Variants in PHIP observed in about 807,000 individuals in gnomAD.
The protein encoded by PHIP is PH-interacting protein.
A neutral mutation model predicts 236.8 loss-of-function variants in PHIP; 54 were observed. That is an observed-to-expected ratio of 0.23 (90% CI 0.18 to 0.29). The LOEUF (loss-of-function observed/expected upper bound fraction) is 0.29, where lower values mean the gene tolerates loss of function less well. Ranked by LOEUF, PHIP falls within the 10% of genes least tolerant of loss-of-function variation. The pLI is 1.00. For synonymous variants in PHIP, 756 were observed against 718.9 expected, an observed-to-expected ratio of 1.05 and a Z score of -0.83; for missense variants, 1,370 against 2,190.8, an observed-to-expected ratio of 0.63 and a Z score of 7.48.
chr6:78,945,936 G>T, intron 38 of PHIP, 65 bp downstream of exon 38: 1 of 1,162,660 alleles, frequency 8.6e-7, no homozygotes, highest in South Asian at 1.4e-5. Context: ...TATTGCATTT[G>T]GCAAAGTAAA....
chr6:78,987,193 T>G (rs1183800247), intron 21 of PHIP, among the ~76,000 whole-genome samples: 1 of 152,074 alleles, frequency 6.6e-6, no homozygotes, highest in Non-Finnish European at 1.5e-5. Context: ...AAGTTTCTAA[T>G]AAACAGAATA....
intron 4 of PHIP, among the ~76,000 whole-genome samples, chr6:79,066,526 AT>A (rs549311688): frequency 2.3e-3 from 346 of 152,302 alleles, no homozygotes; most frequent in African/African-American, 8.0e-3. Context: ...ATATGTGTAT[AT>A]ATCAATGTGC....
At chr6:79,035,789 T>C (rs564085425) in intron 7 of PHIP, among the ~76,000 whole-genome samples, 1 of 152,214 alleles carries the variant, frequency 6.6e-6, no homozygotes, top group Admixed American at 6.5e-5. Context: ...AAAAATTGCG[T>C]ACAATTTAAA....
intron 7 of PHIP, among the ~76,000 whole-genome samples, chr6:79,037,156 C>G (rs1341471869): frequency 6.6e-6 from 1 of 152,014 alleles, no homozygotes; most frequent in Non-Finnish European, 1.5e-5. Flanking sequence ...CCCACAAACC[C>G]ATATACACTA....
At chr6:79,054,006 C>T (rs996632323) in intron 6 of PHIP, among the ~76,000 whole-genome samples, 1 of 151,242 alleles carries the variant, frequency 6.6e-6, no homozygotes, top group Non-Finnish European at 1.5e-5. Context: ...GTTTTGCCCC[C>T]TTTTTTTTGT....
chr6:78,967,046 T>C (rs1767188849), intron 27 of PHIP, among the ~76,000 whole-genome samples: 1 of 152,212 alleles, frequency 6.6e-6, no homozygotes, highest in African/African-American at 2.4e-5. Flanking sequence ...TGAATTAAGT[T>C]AGCAATTAAT....
At position 78,934,938 on chromosome 6, in the gene PHIP, A is replaced by C. The variant is rs540347774; in HGVS notation, c.*5755T>G. Among the ~76,000 whole-genome samples, 2 of 152,328 alleles carry C rather than the reference A, an allele frequency of 1.3e-5. No individual in the cohort carries two copies. Among genetic ancestry groups the C allele is most frequent in the African/African-American group, 2.4e-5 (1 of 41,576 alleles). On this transcript the variant is annotated 3_prime_UTR_variant, in exon 40 of 40. Coordinates refer to ENST00000275034, the MANE Select transcript of PHIP (RefSeq NM_017934.7). ...TTCCACCATTCTTTTCCCAAAGACT[A>C]ATCAGTAAGTGGTAAATGTGTTAAA...
rs1774167289 is a variant in PHIP at position 78,951,793 on chromosome 6, T to C, written c.4053+3021A>G. ...ACTACTTTCTTTATATAAAAATTCA[T>C]TTGCCTATTGTCTCAGAATATCACA... On this transcript the variant is annotated intron_variant, in intron 35 of 39. Transcript: ENST00000275034. 2.0e-5 allele frequency among the ~76,000 whole-genome samples: 3 copies of C among 152,238 alleles called. No homozygotes were observed. In the South Asian group the frequency reaches 6.2e-4, roughly 31 times the overall value.
At chr6:78,974,602 A>C (rs569809507) in intron 24 of PHIP, among the ~76,000 whole-genome samples, 1 of 152,322 alleles carries the variant, frequency 6.6e-6, no homozygotes, top group South Asian at 2.1e-4. Context: ...GTTTTTTGAA[A>C]GATCAACAAA....
At chr6:79,052,057 C>T (rs1176897698) in intron 6 of PHIP, among the ~76,000 whole-genome samples, 1 of 152,002 alleles carries the variant, frequency 6.6e-6, no homozygotes, top group African/African-American at 2.4e-5. Flanking sequence ...ATGGAGATTG[C>T]AGTCTAGCAG....
intron 16 of PHIP, 142 bp from the exon 17 acceptor site, chr6:79,002,266 C>G (rs113056375): frequency 8.5e-6 from 5 of 590,624 alleles, no homozygotes; most frequent in African/African-American, 3.7e-5. Flanking sequence ...TATTATTTTC[C>G]TGAATTAATT....
Position 79,077,493 on chromosome 6 carries a change from G to T in PHIP, c.144C>A (p.Arg48=), listed in dbSNP as rs767769323. 6.4e-7 allele frequency: 1 copy of T among 1,559,652 alleles called. No individual in the cohort carries two copies. Among genetic ancestry groups the T allele is most frequent in the South Asian group, 1.1e-5 (1 of 87,488 alleles). ...EVAEKELLPR[R]TDWTGKEHPR... is the part of the protein sequence containing the mutation. ...GATGCTCCTTCCCGGTCCAGTCGGT[G>T]CGCCGGGGCAGCAGCTGCGGGGAGA... Residue 48 remains arginine, a synonymous_variant, in exon 4 of 40, where the codon CGC becomes CGA. Coordinates refer to ENST00000275034, the MANE Select transcript of PHIP (RefSeq NM_017934.7).
At chr6:78,941,964 T>C (rs1040779149) in intron 39 of PHIP, among the ~76,000 whole-genome samples, 1 of 152,116 alleles carries the variant, frequency 6.6e-6, no homozygotes, top group African/African-American at 2.4e-5. Flanking sequence ...CTTTCTGTTG[T>C]AGAAAAAAAT....
rs182876024 is a variant in PHIP, at chr6:78,998,493, C to T, written c.1880-102G>A. 35 of 842,690 alleles carry T rather than the reference C, an allele frequency of 4.2e-5. No individual in the cohort carries two copies. The African/African-American group carries it at 5.9e-4, about 14-fold the overall frequency. The allele number at this position is 842,690 out of a possible 1,614,324, so 52.2% of individuals were successfully genotyped here. A position where few individuals can be genotyped will look rare whatever the true frequency, so the allele number is the denominator to read the frequency against. Reference sequence around the variant, plus strand: ...AGTTCAGAATTAAACATAAATGTTGCTTGGGTAAAAGACTTAAATGATCAA... The same window carrying T: ...AGTTCAGAATTAAACATAAATGTTGTTTGGGTAAAAGACTTAAATGATCAA... On this transcript the variant is annotated intron_variant, in intron 17 of 39. Coordinates refer to ENST00000275034, the MANE Select transcript of PHIP (RefSeq NM_017934.7).
At chr6:79,005,148 T>C (rs1212380464) in intron 15 of PHIP, among the ~76,000 whole-genome samples, 1 of 151,932 alleles carries the variant, frequency 6.6e-6, no homozygotes, top group Non-Finnish European at 1.5e-5. Flanking sequence ...CTAGGAAAAT[T>C]ATCTAATGTT....
chr6:79,019,366 T>C (rs1582232544), intron 9 of PHIP, among the ~76,000 whole-genome samples: 1 of 152,172 alleles, frequency 6.6e-6, no homozygotes. Context: ...AGCTCCTTAT[T>C]ACACAACAAT....
At chr6:79,074,812 TTGC>T (rs1235664239) in intron 4 of PHIP, among the ~76,000 whole-genome samples, 1 of 152,116 alleles carries the variant, frequency 6.6e-6, no homozygotes, top group African/African-American at 2.4e-5. Context: ...AATTCAACCA[TTGC>T]GATTGTAACT....
rs914006985 is a variant in PHIP, at chr6:78,938,439, A to C, written c.*2254T>G. ...TTCTGTACACAACTTAAAACTGTAC[A>C]TTTTTTTTACAAAAATTGATTTTAT... is the stretch of plus-strand genomic sequence containing the variant. On this transcript the variant is annotated 3_prime_UTR_variant, in exon 40 of 40. Transcript: ENST00000275034. 6.6e-6 allele frequency: 1 copy of C among 151,408 alleles called. No homozygotes were observed. The highest frequency in any genetic ancestry group is 2.4e-5 in the African/African-American group (1 of 41,334). The allele number at this position is 151,408 out of a possible 1,614,324, so 9.4% of individuals were successfully genotyped here.
chr6:78,943,288 TA>T (rs1277683852), intron 39 of PHIP, among the ~76,000 whole-genome samples: 1 of 152,174 alleles, frequency 6.6e-6, no homozygotes, highest in African/African-American at 2.4e-5. Context: ...AACTAATAGA[TA>T]ATGATATTTC....
Sources: gnomAD v4.1 joint callset for allele counts (sites outside exome capture counted in the v4.1 genomes callset) on GRCh38, gnomAD v4.1.1 for gene constraint, MANE v1.5 for transcripts, NCBI Gene and HGNC (gene_info 2026-07-23, HGNC 2026-07-21) for gene names.